VSTM4: variants seen among roughly 807,000 people sequenced by gnomAD.
The protein encoded by VSTM4 is V-set and transmembrane domain containing 4.
In VSTM4, 20 loss-of-function variants were observed where a neutral mutation model predicts 36.4. The observed-to-expected ratio is 0.55, with a 90% confidence interval of 0.39 to 0.80. The LOEUF (loss-of-function observed/expected upper bound fraction) is 0.80, where lower values mean the gene tolerates loss of function less well. Among genes scored for constraint, VSTM4 ranks in the 30% least tolerant of loss-of-function variants. The pLI is 0.00. For synonymous variants in VSTM4, 182 were observed against 173.9 expected (o/e 1.05, Z -0.37); for missense variants, 392 against 404.5 (o/e 0.97, Z 0.26).
intron 7 of VSTM4, among the ~76,000 whole-genome samples, chr10:49,045,136 A>G (rs1009568503): frequency 1.3e-5 from 2 of 151,750 alleles, no homozygotes; most frequent in African/African-American, 4.8e-5. Context: ...TAAATCCTCC[A>G]CCTTGCACTC....
chr10:49,079,362 C>G (rs1205428542), intron 3 of VSTM4, among the ~76,000 whole-genome samples: 1 of 152,112 alleles, frequency 6.6e-6, no homozygotes. Flanking sequence ...AGACTCAGTG[C>G]CCAGCTACAT....
At position 49,080,257 on chromosome 10, in the gene VSTM4, G is replaced by A. The variant is rs564164243; in HGVS notation, c.527-2931C>T. On this transcript the variant is annotated intron_variant, in intron 3 of 7. Coordinates refer to ENST00000332853, the MANE Select transcript of VSTM4 (RefSeq NM_001031746.5). ...TTAAGTGCTTAAGCTGAAAAAGCAA[G>A]CCTACTGGGAGTAGCAGGTGGCTGG... 2.6e-5 allele frequency among the ~76,000 whole-genome samples: 4 copies of A among 152,352 alleles called. No individual in the cohort carries two copies. In the South Asian group the frequency reaches 8.3e-4, roughly 32 times the overall value.
intron 7 of VSTM4, among the ~76,000 whole-genome samples, chr10:49,039,248 C>A (rs554120153): frequency 2.6e-5 from 4 of 152,056 alleles, no homozygotes; most frequent in African/African-American, 7.2e-5. Flanking sequence ...GGACCTAGAC[C>A]AATTGGGGTC....
chr10:49,055,127 A>G (rs1843756853), intron 5 of VSTM4, among the ~76,000 whole-genome samples: 1 of 152,188 alleles, frequency 6.6e-6, no homozygotes, highest in African/African-American at 2.4e-5. Flanking sequence ...TCGTCAAGCC[A>G]AAGATCCCCA....
At chr10:49,070,828 A>T (rs922706991) in intron 4 of VSTM4, among the ~76,000 whole-genome samples, 4 of 152,184 alleles carry the variant, frequency 2.6e-5, no homozygotes, top group African/African-American at 9.7e-5. Flanking sequence ...AACCAGAGAG[A>T]TCTCGCTCCA....
chr10:49,059,659 C>T (rs771478771), intron 5 of VSTM4, among the ~76,000 whole-genome samples: 4 of 152,114 alleles, frequency 2.6e-5, no homozygotes, highest in Non-Finnish European at 5.9e-5. Flanking sequence ...GTCTGAAATG[C>T]CAGAATCACC....
chr10:49,026,360 G>C (rs573895540), intron 7 of VSTM4, among the ~76,000 whole-genome samples: 1 of 152,228 alleles, frequency 6.6e-6, no homozygotes, highest in East Asian at 1.9e-4. Flanking sequence ...CACCATGATG[G>C]GAAGCTCTTC....
intron 3 of VSTM4, among the ~76,000 whole-genome samples, chr10:49,082,968 C>T (rs1456854206): frequency 6.6e-6 from 1 of 152,178 alleles, no homozygotes; most frequent in African/African-American, 2.4e-5. Flanking sequence ...CCAAACAGCC[C>T]CACCAAGCCA....
intron 4 of VSTM4, among the ~76,000 whole-genome samples, chr10:49,075,862 A>G (rs4400713): frequency 0.37 from 56,613 of 152,126 alleles, 11,721 homozygotes; most frequent in African/African-American, 0.56. Flanking sequence ...CAATAGCAGC[A>G]GGAGATCCAA....
chr10:49,048,492 G>T lies in VSTM4; in HGVS notation c.761C>A (p.Ala254Glu). 6.3e-7 allele frequency: 1 copy of T among 1,594,364 alleles called. No individual in the cohort carries two copies. The highest frequency in any genetic ancestry group is 8.5e-7 in the Non-Finnish European group (1 of 1,173,558). The change falls in exon 6 of 8, where the codon GCA becomes GAA. Residue 254 changes from alanine (A) to glutamate (E), a missense_variant. By Grantham distance (107) the Ala-to-Glu change is moderately radical. Coordinates refer to ENST00000332853, the MANE Select transcript of VSTM4 (RefSeq NM_001031746.5). ...CAGCTCCTTACCTTTGGCAGGGACT[G>T]CGGGAGGAATGTCAGGCTTCTCCTT... ...RQKEKPDIPP[A>E]VPAKAPIAPT...
chr10:49,095,520 T>G (rs1036804101), intron 2 of VSTM4, among the ~76,000 whole-genome samples: 2 of 152,138 alleles, frequency 1.3e-5, no homozygotes, highest in African/African-American at 4.8e-5. Context: ...CAAACATGCA[T>G]CTAAGTCCAT....
At chr10:49,078,548 G>C (rs535219265) in intron 3 of VSTM4, among the ~76,000 whole-genome samples, 2 of 149,246 alleles carry the variant, frequency 1.3e-5, no homozygotes, top group South Asian at 4.2e-4. Context: ...ATCCCAAAAG[G>C]TTACATTCTT....
intron 2 of VSTM4, among the ~76,000 whole-genome samples, chr10:49,098,537 T>A (rs944452955): frequency 1.3e-5 from 2 of 151,960 alleles, no homozygotes; most frequent in Admixed American, 6.6e-5. Context: ...CTAATCTGAT[T>A]CCCCCCAGAT....
intron 4 of VSTM4, 32 bp from the exon 5 acceptor site, chr10:49,064,768 AC>A: frequency 6.2e-7 from 1 of 1,603,566 alleles, no homozygotes; most frequent in Non-Finnish European, 8.5e-7. Context: ...AAGATGGTAA[AC>A]CAATGCTACT....
intron 5 of VSTM4, among the ~76,000 whole-genome samples, chr10:49,050,742 C>G (rs1238690879): frequency 6.6e-6 from 1 of 152,174 alleles, no homozygotes; most frequent in Non-Finnish European, 1.5e-5. Context: ...ATGCCTATTT[C>G]TTATTTCCAA....
chr10:49,051,912 T>C (rs1202321216), intron 5 of VSTM4, among the ~76,000 whole-genome samples: 1 of 151,286 alleles, frequency 6.6e-6, no homozygotes, highest in Admixed American at 6.6e-5. Flanking sequence ...CATATTATAT[T>C]ATAATTTTGT....
intron 7 of VSTM4, among the ~76,000 whole-genome samples, chr10:49,045,979 C>T (rs941877559): frequency 6.6e-6 from 1 of 152,100 alleles, no homozygotes; most frequent in African/African-American, 2.4e-5. Flanking sequence ...TCATGACAAG[C>T]GAGTGAGTTC....
chr10:49,036,200 C>T (rs1301472906), intron 7 of VSTM4, among the ~76,000 whole-genome samples: 4 of 152,154 alleles, frequency 2.6e-5, no homozygotes, highest in Non-Finnish European at 4.4e-5. Context: ...GTTTTCCGCA[C>T]GCCCATCCCT....
At chr10:49,031,199 T>A (rs1014788487) in intron 7 of VSTM4, among the ~76,000 whole-genome samples, 3 of 152,218 alleles carry the variant, frequency 2.0e-5, no homozygotes, top group African/African-American at 7.2e-5. Context: ...CCTAGACCCA[T>A]CTAATTGTGC....
Sources: gnomAD v4.1 joint callset for allele counts (sites outside exome capture counted in the v4.1 genomes callset) on GRCh38, gnomAD v4.1.1 for gene constraint, MANE v1.5 for transcripts, NCBI Gene and HGNC (gene_info 2026-07-23, HGNC 2026-07-21) for gene names.